Variants in CD226 observed in about 807,000 individuals in gnomAD.
The protein encoded by CD226 is CD226 antigen.
CD226 carries 24 observed loss-of-function variants against 34.9 expected under a neutral mutation model. That is an observed-to-expected ratio of 0.69 (90% CI 0.50 to 0.97). The LOEUF (loss-of-function observed/expected upper bound fraction) is 0.97, where lower values mean the gene tolerates loss of function less well. Ranked by LOEUF, CD226 falls within the 50% of genes least tolerant of loss-of-function variation. The pLI, the probability that CD226 is intolerant of heterozygous loss-of-function variation, is 0.00. For missense variants in CD226, 397 were observed against 412.7 expected, an observed-to-expected ratio of 0.96 and a Z score of 0.33; for synonymous variants, 148 against 147.4, an observed-to-expected ratio of 1.00 and a Z score of -0.03.
intron 5 of CD226, among the ~76,000 whole-genome samples, chr18:69,865,018 A>G (rs1983052977): frequency 6.6e-6 from 1 of 152,178 alleles, no homozygotes; most frequent in Non-Finnish European, 1.5e-5. Flanking sequence ...TTTGAGTCAG[A>G]GTCTCGCTCT....
At chr18:69,908,712 C>T (rs1407193165) in intron 2 of CD226, among the ~76,000 whole-genome samples, 2 of 152,188 alleles carry the variant, frequency 1.3e-5, no homozygotes, top group Non-Finnish European at 2.9e-5. Flanking sequence ...CAGACGTTTC[C>T]TATTCCTACT....
In CD226 at chr18:69,945,176, T is replaced by C. The variant is rs571668502; in HGVS notation, c.382+1558A>G. On this transcript the variant is annotated intron_variant, in intron 2 of 5. Coordinates refer to ENST00000582621, the MANE Select transcript of CD226 (RefSeq NM_001303618.2). The stretch of plus-strand genomic sequence containing the variant: ...AGATTGTCACTAATATCTGAAAATT[T>C]CATTATTAGTCCTTTTGGATCACAA... Among the ~76,000 whole-genome samples, 6 of 152,350 alleles carry C rather than the reference T, an allele frequency of 3.9e-5. No individual in the cohort carries two copies. The South Asian group carries it at 1.0e-3, about 26-fold the overall frequency.
chr18:69,938,782 C>T (rs73464778), intron 2 of CD226, among the ~76,000 whole-genome samples: 2,411 of 152,290 alleles, frequency 0.016, 40 homozygotes, highest in African/African-American at 0.035. Flanking sequence ...TCTCTTTTCA[C>T]CATTAGAAAT....
At chr18:69,923,798 C>CA (rs2055485287) in intron 2 of CD226, among the ~76,000 whole-genome samples, 1 of 151,768 alleles carries the variant, frequency 6.6e-6, no homozygotes, top group Admixed American at 6.6e-5. Context: ...ACTAAAAATA[C>CA]AAAAAATTAG....
intron 2 of CD226, among the ~76,000 whole-genome samples, chr18:69,897,440 C>T (rs1598985941): frequency 6.6e-6 from 1 of 152,116 alleles, no homozygotes; most frequent in Admixed American, 6.5e-5. Flanking sequence ...ATCACTAATG[C>T]CAACAAATCC....
rs1048596509 is a variant in CD226, at chr18:69,863,408, C to T, written c.*906G>A. On this transcript the variant is annotated 3_prime_UTR_variant, in exon 6 of 6. Transcript: ENST00000582621. ...TACTACATTTGCTCCTAAGGCTAGA[C>T]CTGGGATGGCGGCAAGAATTCTATA... 1.3e-5 allele frequency: 2 copies of T among 152,064 alleles called. No individual in the cohort carries two copies. Among genetic ancestry groups the T allele is most frequent in the Admixed American group, 6.6e-5 (1 of 15,256 alleles). The allele number at this position is 152,064 out of a possible 1,614,324, so 9.4% of individuals were successfully genotyped here.
At chr18:69,944,748 A>G (rs2055768531) in intron 2 of CD226, among the ~76,000 whole-genome samples, 1 of 152,236 alleles carries the variant, frequency 6.6e-6, no homozygotes, top group Admixed American at 6.5e-5. Context: ...GATTTATAGC[A>G]AACTACACAG....
chr18:69,890,790 G>A (rs1304200122), intron 3 of CD226, among the ~76,000 whole-genome samples: 15 of 152,090 alleles, frequency 9.9e-5, no homozygotes, highest in Admixed American at 8.5e-4. Flanking sequence ...ACAAAGGTAG[G>A]TGGATCAGTG....
intron 3 of CD226, among the ~76,000 whole-genome samples, chr18:69,892,443 C>A (rs113127537): frequency 1.3e-5 from 2 of 152,178 alleles, no homozygotes; most frequent in African/African-American, 4.8e-5. Context: ...GTGCTCCCCC[C>A]GTCCCCACTT....
At chr18:69,871,538 A>G (rs1223180743) in intron 4 of CD226, among the ~76,000 whole-genome samples, 1 of 152,240 alleles carries the variant, frequency 6.6e-6, no homozygotes, top group East Asian at 1.9e-4. Flanking sequence ...GGAGTAGCAG[A>G]GACGTACACA....
intron 3 of CD226, among the ~76,000 whole-genome samples, chr18:69,891,938 C>T (rs1271560379): frequency 2.6e-5 from 4 of 152,130 alleles, no homozygotes; most frequent in Non-Finnish European, 5.9e-5. Flanking sequence ...CTACCTCGTC[C>T]CATATTAATA....
Position 69,864,378 on chromosome 18 carries a change from T to C in CD226, c.947A>G (p.Asp316Gly). 1 of 1,613,494 alleles carries C rather than the reference T, an allele frequency of 6.2e-7. No homozygotes were observed. The highest frequency in any genetic ancestry group is 8.5e-7 in the Non-Finnish European group (1 of 1,179,488). Residue 316 changes from aspartate to glycine, a missense_variant, in exon 6 of 6, where the codon GAT becomes GGT. Transcript: ENST00000582621. ...TSQPTNQSMD[D>G]TREDIYVNYP... ...GTTGACATAAATATCCTCTCTTGTA[T>C]CATCCATGGATTGATTGGTAGGTTG...
intron 5 of CD226, 141 bp from the exon 6 acceptor site, chr18:69,864,580 T>C (rs997181478): frequency 7.5e-6 from 6 of 801,284 alleles, no homozygotes; most frequent in Non-Finnish European, 1.2e-5. Context: ...AACATTCTCA[T>C]TGTATTGAAC....
At chr18:69,931,246 G>C (rs561275598) in intron 2 of CD226, among the ~76,000 whole-genome samples, 9 of 152,138 alleles carry the variant, frequency 5.9e-5, no homozygotes, top group East Asian at 1.9e-4. Context: ...GTGGGGAGAG[G>C]GGGGAGGGAT....
chr18:69,875,893 G>T (rs1297150961), intron 3 of CD226, among the ~76,000 whole-genome samples: 1 of 152,190 alleles, frequency 6.6e-6, no homozygotes, highest in Non-Finnish European at 1.5e-5. Context: ...TAGAACAGTG[G>T]TTGCCAGGAG....
chr18:69,916,618 T>C (rs974621461), intron 2 of CD226, among the ~76,000 whole-genome samples: 1 of 152,226 alleles, frequency 6.6e-6, no homozygotes, highest in African/African-American at 2.4e-5. Context: ...CAATATTTTT[T>C]AATGAGTCAT....
intron 3 of CD226, among the ~76,000 whole-genome samples, chr18:69,874,888 C>G (rs1366471420): frequency 6.6e-6 from 1 of 152,048 alleles, no homozygotes; most frequent in Non-Finnish European, 1.5e-5. Context: ...GTTTATCCAC[C>G]CTGTCACACA....
intron 1 of CD226, among the ~76,000 whole-genome samples, chr18:69,953,955 G>T (rs914228875): frequency 4.0e-5 from 6 of 149,902 alleles, no homozygotes; most frequent in Admixed American, 3.3e-4. Flanking sequence ...AGCTGAGATT[G>T]TGCCACTGCA....
chr18:69,932,641 C>T (rs1000895481), intron 2 of CD226, among the ~76,000 whole-genome samples: 1 of 152,188 alleles, frequency 6.6e-6, no homozygotes. Context: ...GCATGATTTC[C>T]CTCCAGCAGG....
Sources: gnomAD v4.1 joint callset for allele counts (sites outside exome capture counted in the v4.1 genomes callset) on GRCh38, gnomAD v4.1.1 for gene constraint, MANE v1.5 for transcripts, NCBI Gene and HGNC (gene_info 2026-07-23, HGNC 2026-07-21) for gene names.